The following MYO1D variants were observed in gnomAD, a reference collection of about 807,000 sequenced individuals.
The protein encoded by MYO1D is unconventional myosin-Id.
In MYO1D, 83 loss-of-function variants were observed where a neutral mutation model predicts 122.0. The ratio of observed to expected loss-of-function variants is 0.68; its 90% confidence interval spans 0.57 to 0.82. The LOEUF (loss-of-function observed/expected upper bound fraction) is 0.82, where lower values mean the gene tolerates loss of function less well. Among genes scored for constraint, MYO1D ranks in the 40% least tolerant of loss-of-function variants. The pLI, the probability that MYO1D is intolerant of heterozygous loss-of-function variation, is 0.00. For synonymous variants in MYO1D, 464 were observed against 446.9 expected (o/e 1.04, Z -0.48); for missense variants, 1,157 against 1,269.5 (o/e 0.91, Z 1.35).
intron 21 of MYO1D, among the ~76,000 whole-genome samples, chr17:32,548,051 T>G (rs1482835234): frequency 1.3e-5 from 2 of 152,194 alleles, no homozygotes; most frequent in African/African-American, 4.8e-5. Context: ...CACTCATCAT[T>G]GCAGTTGCTA....
intron 21 of MYO1D, among the ~76,000 whole-genome samples, chr17:32,496,574 G>C (rs1909120247): frequency 6.6e-6 from 1 of 152,216 alleles, no homozygotes; most frequent in Admixed American, 6.5e-5. Context: ...GCGGGGTCCA[G>C]GTGGGGCCCC....
At chr17:32,792,872 G>T (rs1272539301) in intron 1 of MYO1D, among the ~76,000 whole-genome samples, 1 of 151,982 alleles carries the variant, frequency 6.6e-6, no homozygotes, top group Non-Finnish European at 1.5e-5. Context: ...TGGAGCTCCT[G>T]GCCACAAATG....
At chr17:32,765,297 G>GTT (rs2090044275) in intron 7 of MYO1D, among the ~76,000 whole-genome samples, 1 of 151,946 alleles carries the variant, frequency 6.6e-6, no homozygotes, top group Non-Finnish European at 1.5e-5. Context: ...ATAGATAAAA[G>GTT]TTTTACATTT....
intron 11 of MYO1D, among the ~76,000 whole-genome samples, chr17:32,750,559 G>T (rs2089888390): frequency 6.6e-6 from 1 of 152,118 alleles, no homozygotes; most frequent in Non-Finnish European, 1.5e-5. Context: ...AGCTTGTAGT[G>T]AGCCGAGATC....
chr17:32,709,026 TG>T (rs1471438764), intron 16 of MYO1D, among the ~76,000 whole-genome samples: 2 of 152,148 alleles, frequency 1.3e-5, no homozygotes, highest in African/African-American at 4.8e-5. Flanking sequence ...ATATATGAGC[TG>T]GGCTCATCTT....
At chr17:32,670,143 T>C (rs936213097) in intron 16 of MYO1D, among the ~76,000 whole-genome samples, 2 of 152,034 alleles carry the variant, frequency 1.3e-5, no homozygotes, top group African/African-American at 4.8e-5. Context: ...CAATCTGCCC[T>C]CATTGGCCTC....
At chr17:32,600,953 C>CTT (rs59778193) in intron 21 of MYO1D, among the ~76,000 whole-genome samples, 31 of 141,636 alleles carry the variant, frequency 2.2e-4, no homozygotes, top group East Asian at 6.2e-4. Flanking sequence ...TTTCTTTTCC[C>CTT]TTTTTTTTTT....
chr17:32,515,552 A>G (rs919178706), intron 21 of MYO1D, among the ~76,000 whole-genome samples: 44 of 152,272 alleles, frequency 2.9e-4, no homozygotes, highest in African/African-American at 1.0e-3. Context: ...TCAGCCTCCC[A>G]AAGTGTTGGT....
At chr17:32,725,460 G>A (rs1189053717) in intron 14 of MYO1D, among the ~76,000 whole-genome samples, 1 of 151,960 alleles carries the variant, frequency 6.6e-6, no homozygotes, top group Non-Finnish European at 1.5e-5. Flanking sequence ...GGCAGAGTTT[G>A]CAGTGAGCTG....
At chr17:32,753,795 G>C (rs1481807813) in intron 11 of MYO1D, among the ~76,000 whole-genome samples, 5 of 152,056 alleles carry the variant, frequency 3.3e-5, no homozygotes, top group Admixed American at 6.6e-5. Context: ...CTACTTGGGA[G>C]GCTGAGGCAG....
At chr17:32,803,999 T>C (rs1451520464) in intron 1 of MYO1D, among the ~76,000 whole-genome samples, 1 of 152,170 alleles carries the variant, frequency 6.6e-6, no homozygotes, top group Non-Finnish European at 1.5e-5. Flanking sequence ...AATGGAAGAT[T>C]TATCTAGTAA....
chr17:32,732,184 C>T (rs1163070004), intron 14 of MYO1D, among the ~76,000 whole-genome samples: 3 of 152,194 alleles, frequency 2.0e-5, no homozygotes, highest in Non-Finnish European at 2.9e-5. Context: ...TTGGCACGAA[C>T]AGTCTGGACT....
At chr17:32,520,778 C>T (rs1396045660) in intron 21 of MYO1D, among the ~76,000 whole-genome samples, 1 of 152,192 alleles carries the variant, frequency 6.6e-6, no homozygotes, top group Non-Finnish European at 1.5e-5. Context: ...CTGTGGTATC[C>T]CAGGGCCTTG....
chr17:32,507,815 C>T (rs1411040362), intron 21 of MYO1D, among the ~76,000 whole-genome samples: 2 of 152,010 alleles, frequency 1.3e-5, no homozygotes, highest in Admixed American at 6.6e-5. Flanking sequence ...TCTCTCCCCA[C>T]CACGTGAGGA....
intron 19 of MYO1D, 83 bp from the exon 20 acceptor site, chr17:32,638,918 T>C (rs373460160): frequency 7.6e-6 from 7 of 917,128 alleles, no homozygotes; most frequent in East Asian, 2.4e-5. Context: ...AATTCTTTAA[T>C]AGATGTGAAC....
At chr17:32,556,228 C>A (rs2087067477) in intron 21 of MYO1D, among the ~76,000 whole-genome samples, 2 of 152,190 alleles carry the variant, frequency 1.3e-5, no homozygotes, top group African/African-American at 4.8e-5. Flanking sequence ...GGGGGAGACT[C>A]ATCTCTACCA....
chr17:32,798,113 A>C (rs1388217076), intron 1 of MYO1D, among the ~76,000 whole-genome samples: 1 of 152,252 alleles, frequency 6.6e-6, no homozygotes, highest in South Asian at 2.1e-4. Context: ...AATGGATTGC[A>C]TGAGTAGGAA....
At chr17:32,866,626 T>C (rs1047270369) in intron 1 of MYO1D, among the ~76,000 whole-genome samples, 2 of 152,242 alleles carry the variant, frequency 1.3e-5, no homozygotes, top group South Asian at 2.1e-4. Context: ...TTAGAAGTAT[T>C]TGACTTTCTA....
intron 20 of MYO1D, among the ~76,000 whole-genome samples, chr17:32,608,153 T>G (rs943899566): frequency 3.9e-5 from 6 of 152,186 alleles, no homozygotes; most frequent in Non-Finnish European, 7.3e-5. Context: ...TGATCAAATT[T>G]AAAACTTTTG....
Sources: gnomAD v4.1 joint callset for allele counts (sites outside exome capture counted in the v4.1 genomes callset) on GRCh38, gnomAD v4.1.1 for gene constraint, MANE v1.5 for transcripts, NCBI Gene and HGNC (gene_info 2026-07-23, HGNC 2026-07-21) for gene names.